The following ASIC2 variants were observed in gnomAD, a reference collection of about 807,000 sequenced individuals.
ASIC2 encodes acid sensing ion channel subunit 2, also known as acid-sensing ion channel 2.
ASIC2 carries 25 observed loss-of-function variants against 57.3 expected under a neutral mutation model. The ratio of observed to expected loss-of-function variants is 0.44; its 90% CI spans 0.32 to 0.61. The LOEUF (loss-of-function observed/expected upper bound fraction) is 0.61, where lower values mean the gene tolerates loss of function less well. ASIC2 is among the 20% of genes least tolerant of loss of function. ASIC2 has a pLI of 0.06. For missense variants in ASIC2, 641 were observed against 738.1 expected (o/e 0.87, Z 1.52); for synonymous variants, 319 against 307.5 (o/e 1.04, Z -0.39).
intron 1 of ASIC2, among the ~76,000 whole-genome samples, chr17:33,549,281 C>T (rs1915674782): frequency 6.6e-6 from 1 of 152,142 alleles, no homozygotes; most frequent in South Asian, 2.1e-4. Flanking sequence ...ATAAAGGCTG[C>T]AGAAGACAGG....
chr17:33,016,107 C>G, intron 8 of ASIC2, 68 bp from the exon 9 acceptor site: 1 of 1,501,716 alleles, frequency 6.7e-7, no homozygotes, highest in East Asian at 2.3e-5. Context: ...GGACCTCCCT[C>G]CATTGGGCCC....
At chr17:33,579,438 C>T (rs990340912) in intron 1 of ASIC2, among the ~76,000 whole-genome samples, 2 of 152,188 alleles carry the variant, frequency 1.3e-5, no homozygotes, top group East Asian at 1.9e-4. Context: ...TAGACTAGGG[C>T]TGCGGGGTAC....
chr17:33,044,262 C>A (rs778198643), intron 3 of ASIC2, among the ~76,000 whole-genome samples: 1 of 20,038 alleles, frequency 5.0e-5, no homozygotes, highest in African/African-American at 1.1e-4. Context: ...ATCCATCTAC[C>A]CATCCATCCA....
intron 3 of ASIC2, chr17:33,052,838 G>C (rs1279263207): frequency 6.6e-6 from 1 of 152,182 alleles, no homozygotes; most frequent in Non-Finnish European, 1.5e-5. Context: ...AGCTCTCCTT[G>C]AATCTAGGAG....
chr17:33,733,112 T>G (rs761232634), intron 1 of ASIC2, among the ~76,000 whole-genome samples: 98 of 152,284 alleles, frequency 6.4e-4, no homozygotes, highest in Non-Finnish European at 1.1e-3. Flanking sequence ...CTTTAATTTG[T>G]TTATTAAAAG....
At chr17:33,208,817 T>G (rs11867871) in intron 1 of ASIC2, among the ~76,000 whole-genome samples, 4,073 of 152,134 alleles carry the variant, frequency 0.027, 176 homozygotes, top group African/African-American at 0.089. Flanking sequence ...AAATATCTGT[T>G]GAATGGAAAA....
intron 1 of ASIC2, among the ~76,000 whole-genome samples, chr17:33,385,235 G>C (rs895654482): frequency 9.9e-5 from 15 of 152,232 alleles, no homozygotes; most frequent in African/African-American, 3.1e-4. Flanking sequence ...ATCTTTGGCT[G>C]CTGCCCACTC....
intron 1 of ASIC2, among the ~76,000 whole-genome samples, chr17:33,213,756 G>A (rs751314090): frequency 9.2e-5 from 14 of 152,134 alleles, no homozygotes; most frequent in Non-Finnish European, 1.3e-4. Flanking sequence ...CAATCTCACC[G>A]ATTCTTAGTT....
At chr17:33,079,398 AGT>A (rs2092102940) in intron 3 of ASIC2, among the ~76,000 whole-genome samples, 1 of 151,870 alleles carries the variant, frequency 6.6e-6, no homozygotes, top group Admixed American at 6.6e-5. Flanking sequence ...GAAAGGAGAG[AGT>A]GTGCGATGCT....
intron 1 of ASIC2, among the ~76,000 whole-genome samples, chr17:33,531,922 G>A (rs1218664638): frequency 6.6e-6 from 1 of 152,202 alleles, no homozygotes; most frequent in East Asian, 1.9e-4. Context: ...GTGAGGTCAA[G>A]GGCCACATGG....
At chr17:33,101,637 C>T (rs910537611) in intron 2 of ASIC2, among the ~76,000 whole-genome samples, 8 of 152,100 alleles carry the variant, frequency 5.3e-5, no homozygotes, top group Non-Finnish European at 1.2e-4. Context: ...CAATTCCTAC[C>T]TAATCACAGA....
intron 1 of ASIC2, among the ~76,000 whole-genome samples, chr17:33,172,488 G>A (rs1905561508): frequency 6.6e-6 from 1 of 152,158 alleles, no homozygotes; most frequent in Non-Finnish European, 1.5e-5. Context: ...TAGGGTGCAG[G>A]CCTTAGCCCC....
At chr17:33,415,478 C>A (rs1451206198) in intron 1 of ASIC2, among the ~76,000 whole-genome samples, 1 of 151,744 alleles carries the variant, frequency 6.6e-6, no homozygotes. Flanking sequence ...TATGTAGAAC[C>A]CATGGGCATG....
intron 1 of ASIC2, among the ~76,000 whole-genome samples, chr17:33,871,823 G>A (rs73288685): frequency 0.011 from 1,700 of 152,272 alleles, 28 homozygotes; most frequent in African/African-American, 0.039. Flanking sequence ...CAGACAGGCA[G>A]CACTGGGCGC....
At chr17:33,526,960 T>C (rs1015784011) in intron 1 of ASIC2, among the ~76,000 whole-genome samples, 1 of 152,226 alleles carries the variant, frequency 6.6e-6, no homozygotes, top group Non-Finnish European at 1.5e-5. Flanking sequence ...TGCACATAAT[T>C]GAGACAGATT....
Position 33,112,142 on chromosome 17 carries a change from C to T in ASIC2, c.709-75G>A, listed in dbSNP as rs534080116. 8.1e-6 allele frequency: 12 copies of T among 1,477,554 alleles called. No homozygotes were observed. In the South Asian group the frequency reaches 9.6e-5, roughly 12 times the overall value. 91.5% of individuals were successfully genotyped at this position (1,477,554 alleles called of 1,614,324 possible). A position where few individuals can be genotyped will look rare whatever the true frequency, so the allele number is the denominator to read the frequency against. Reference sequence around the variant, plus strand: ...CGGGGGTCCAGAGATTGGCGAGACCCCAGAAATCTGACAGCAGGTCAGAGT... The same window carrying T: ...CGGGGGTCCAGAGATTGGCGAGACCTCAGAAATCTGACAGCAGGTCAGAGT... On this transcript the variant is annotated intron_variant, in intron 1 of 9. Coordinates refer to ENST00000225823, the MANE Select transcript of ASIC2 (RefSeq NM_183377.2).
intron 1 of ASIC2, among the ~76,000 whole-genome samples, chr17:33,323,675 C>T (rs1029627736): frequency 6.6e-6 from 1 of 152,204 alleles, no homozygotes; most frequent in Non-Finnish European, 1.5e-5. Flanking sequence ...GATTGTGCCA[C>T]TGCACTCCAG....
chr17:33,632,457 T>C (rs1368529213), intron 1 of ASIC2, among the ~76,000 whole-genome samples: 1 of 152,288 alleles, frequency 6.6e-6, no homozygotes, highest in Non-Finnish European at 1.5e-5. Context: ...TGGGACAGTG[T>C]CCCTAGTCAC....
At chr17:33,125,340 T>G (rs1402012430) in intron 1 of ASIC2, among the ~76,000 whole-genome samples, 2 of 152,342 alleles carry the variant, frequency 1.3e-5, no homozygotes, top group Middle Eastern at 3.4e-3. Flanking sequence ...TACTAGCTTT[T>G]TAAGTTGGGC....
Sources: gnomAD v4.1 joint callset for allele counts (sites outside exome capture counted in the v4.1 genomes callset) on GRCh38, gnomAD v4.1.1 for gene constraint, MANE v1.5 for transcripts, NCBI Gene and HGNC (gene_info 2026-07-23, HGNC 2026-07-21) for gene names.